Variants in DENND1A observed in about 807,000 individuals in gnomAD.
DENND1A encodes the protein DENN domain-containing protein 1A.
In DENND1A, 51 loss-of-function variants were observed where a neutral mutation model predicts 113.7. The observed-to-expected ratio is 0.45, with a 90% CI of 0.36 to 0.57. The LOEUF (loss-of-function observed/expected upper bound fraction) is 0.57. Among genes scored for constraint, DENND1A ranks in the 20% least tolerant of loss-of-function variants. DENND1A has a pLI of 0.00. For synonymous variants in DENND1A, 565 were observed against 570.8 expected (o/e 0.99, Z 0.14); for missense variants, 1,258 against 1,395.9 (o/e 0.90, Z 1.57).
At chr9:123,591,666 T>C (rs570125783) in intron 11 of DENND1A, among the ~76,000 whole-genome samples, 3 of 152,316 alleles carry the variant, frequency 2.0e-5, no homozygotes, top group African/African-American at 7.2e-5. Flanking sequence ...GCACAGTGCC[T>C]GACACAAGGC....
At chr9:123,762,651 C>T (rs2071137169) in intron 4 of DENND1A, among the ~76,000 whole-genome samples, 1 of 152,254 alleles carries the variant, frequency 6.6e-6, no homozygotes, top group Admixed American at 6.5e-5. Flanking sequence ...AGGGCCCCTG[C>T]CTTTGCAGGC....
intron 13 of DENND1A, among the ~76,000 whole-genome samples, chr9:123,498,724 T>A (rs1319878137): frequency 7.3e-6 from 1 of 136,988 alleles, no homozygotes; most frequent in African/African-American, 2.9e-5. Context: ...TCTCTCTCTC[T>A]CTTTTTTTTT....
chr9:123,557,444 A>C (rs1386685742), intron 13 of DENND1A, 126 bp downstream of exon 13: 1 of 1,432,308 alleles, frequency 7.0e-7, no homozygotes. Flanking sequence ...CCCCCACCAC[A>C]AACACACACA....
chr9:123,877,563 C>T (rs1847683717), intron 2 of DENND1A, among the ~76,000 whole-genome samples: 1 of 151,796 alleles, frequency 6.6e-6, no homozygotes, highest in Admixed American at 6.6e-5. Flanking sequence ...GTGGCTCATA[C>T]CTGTAATCCC....
intron 6 of DENND1A, among the ~76,000 whole-genome samples, chr9:123,676,153 T>C (rs780024953): frequency 1.3e-5 from 2 of 152,320 alleles, no homozygotes; most frequent in East Asian, 1.9e-4. Context: ...TTGACATCCA[T>C]GGAAGATACC....
At chr9:123,502,204 G>T (rs1039571872) in intron 13 of DENND1A, among the ~76,000 whole-genome samples, 3 of 151,058 alleles carry the variant, frequency 2.0e-5, no homozygotes, top group African/African-American at 7.3e-5. Context: ...TCTCCTGTTA[G>T]TTCTGTCCCT....
chr9:123,870,794 CCT>C (rs1846473872), intron 2 of DENND1A, among the ~76,000 whole-genome samples: 1 of 151,942 alleles, frequency 6.6e-6, no homozygotes, highest in African/African-American at 2.4e-5. Context: ...GGCAAGTAAA[CCT>C]CTTTGAGTCT....
intron 5 of DENND1A, among the ~76,000 whole-genome samples, chr9:123,709,027 C>T (rs2066412115): frequency 6.6e-6 from 1 of 152,228 alleles, no homozygotes; most frequent in Non-Finnish European, 1.5e-5. Flanking sequence ...GCCTACCATT[C>T]CCCTGGAATC....
chr9:123,812,522 G>C (rs1836793172), intron 2 of DENND1A, among the ~76,000 whole-genome samples: 1 of 151,980 alleles, frequency 6.6e-6, no homozygotes, highest in African/African-American at 2.4e-5. Flanking sequence ...TGGAATGAGT[G>C]GTTGCTAGAA....
intron 3 of DENND1A, among the ~76,000 whole-genome samples, chr9:123,792,142 T>C (rs182018180): frequency 3.1e-4 from 47 of 152,330 alleles, no homozygotes; most frequent in African/African-American, 1.1e-3. Flanking sequence ...GTGCATCTTC[T>C]CCTTCCAATA....
chr9:123,394,361 G>A lies in DENND1A; in HGVS notation c.1632-6503C>T, dbSNP rs1176828693. 3.9e-5 allele frequency among the ~76,000 whole-genome samples: 6 copies of A among 152,060 alleles called. No individual in the cohort carries two copies. In the East Asian group the frequency reaches 5.8e-4, roughly 15 times the overall value. ...GGCAGGCACAGGGAACTCCATGTCC[G>A]GGTGGGGAGTTCAAGAGAAGAGGCT... On this transcript the variant is annotated intron_variant, in intron 21 of 23. Coordinates refer to ENST00000394215, the MANE Select transcript of DENND1A (RefSeq NM_001352964.2).
chr9:123,391,266 T>C (rs1588285787), intron 21 of DENND1A, among the ~76,000 whole-genome samples: 1 of 152,374 alleles, frequency 6.6e-6, no homozygotes, highest in East Asian at 1.9e-4. Context: ...ACCACCTGTC[T>C]CTTGAAAGTG....
chr9:123,532,972 C>T (rs1043729858), intron 13 of DENND1A, among the ~76,000 whole-genome samples: 4 of 152,210 alleles, frequency 2.6e-5, no homozygotes, highest in Non-Finnish European at 5.9e-5. Context: ...GTAGCTTCAC[C>T]AGGAGTTGGC....
intron 5 of DENND1A, among the ~76,000 whole-genome samples, chr9:123,724,350 G>T (rs2067544618): frequency 6.6e-6 from 1 of 152,106 alleles, no homozygotes; most frequent in Non-Finnish European, 1.5e-5. Flanking sequence ...ACTTCAGCAT[G>T]AATCTCAACC....
intron 13 of DENND1A, among the ~76,000 whole-genome samples, chr9:123,540,433 C>T (rs901772443): frequency 3.3e-5 from 5 of 152,282 alleles, no homozygotes; most frequent in Non-Finnish European, 7.3e-5. Flanking sequence ...GGGCCTGGTA[C>T]AGAGGAGGTG....
intron 3 of DENND1A, among the ~76,000 whole-genome samples, chr9:123,782,459 G>A (rs1191100401): frequency 6.6e-6 from 1 of 152,222 alleles, no homozygotes; most frequent in Admixed American, 6.5e-5. Flanking sequence ...ATTACAGTGT[G>A]AAGACTATTC....
At chr9:123,729,809 T>G (rs1349973922) in intron 5 of DENND1A, among the ~76,000 whole-genome samples, 1 of 152,194 alleles carries the variant, frequency 6.6e-6, no homozygotes, top group Non-Finnish European at 1.5e-5. Flanking sequence ...AAGACAATCC[T>G]AAGCAAAAAG....
At chr9:123,499,424 T>C (rs536043720) in intron 13 of DENND1A, among the ~76,000 whole-genome samples, 1 of 152,236 alleles carries the variant, frequency 6.6e-6, no homozygotes, top group African/African-American at 2.4e-5. Flanking sequence ...GAGGAGCTAA[T>C]GTACTTAGCA....
At chr9:123,463,873 C>G (rs1049744441) in intron 13 of DENND1A, among the ~76,000 whole-genome samples, 1 of 146,320 alleles carries the variant, frequency 6.8e-6, no homozygotes, top group African/African-American at 2.6e-5. Context: ...CACACCATTG[C>G]ACTCCAGCCT....
Sources: gnomAD v4.1 joint callset for allele counts (sites outside exome capture counted in the v4.1 genomes callset) on GRCh38, gnomAD v4.1.1 for gene constraint, MANE v1.5 for transcripts, NCBI Gene and HGNC (gene_info 2026-07-23, HGNC 2026-07-21) for gene names.